Variants in DAB1 observed in about 807,000 individuals in gnomAD.
DAB1 encodes the protein disabled homolog 1.
In DAB1, 15 loss-of-function variants were observed where a neutral mutation model predicts 64.6. That is an observed-to-expected ratio of 0.23 (90% CI 0.16 to 0.36). The LOEUF (loss-of-function observed/expected upper bound fraction) is 0.36. Ranked by LOEUF, DAB1 falls within the 10% of genes least tolerant of loss-of-function variation. The pLI, the probability that DAB1 is intolerant of heterozygous loss-of-function variation, is 1.00. For missense variants in DAB1, 596 were observed against 706.7 expected, an observed-to-expected ratio of 0.84 and a Z score of 1.78; for synonymous variants, 235 against 251.9, an observed-to-expected ratio of 0.93 and a Z score of 0.64.
intron 1 of DAB1, among the ~76,000 whole-genome samples, chr1:57,353,351 T>C (rs1031904017): frequency 1.3e-5 from 2 of 152,140 alleles, no homozygotes; most frequent in Admixed American, 6.5e-5. Flanking sequence ...ATATGGCTGT[T>C]CCGTCCTATT....
intron 7 of DAB1, among the ~76,000 whole-genome samples, chr1:57,642,885 T>C (rs1053594904): frequency 3.9e-5 from 6 of 152,232 alleles, no homozygotes; most frequent in Non-Finnish European, 7.3e-5. Flanking sequence ...ATGAGTTCTT[T>C]GGCAATTCAT....
At chr1:57,065,755 T>A (rs1452751751) in intron 8 of DAB1, among the ~76,000 whole-genome samples, 2 of 152,112 alleles carry the variant, frequency 1.3e-5, no homozygotes, top group Non-Finnish European at 2.9e-5. Flanking sequence ...AAATCCTGGG[T>A]CTGCCACAGG....
chr1:58,407,628 C>T (rs1164322720), intron 3 of DAB1, among the ~76,000 whole-genome samples: 1 of 152,132 alleles, frequency 6.6e-6, no homozygotes, highest in Non-Finnish European at 1.5e-5. Flanking sequence ...TCCAGCCCCA[C>T]ATGTCAATAG....
intron 1 of DAB1, among the ~76,000 whole-genome samples, chr1:57,393,889 G>A (rs535839323): frequency 2.0e-5 from 3 of 152,234 alleles, no homozygotes; most frequent in Middle Eastern, 3.4e-3. Flanking sequence ...GCAGAAAAAG[G>A]TTCACTGACC....
intron 5 of DAB1, among the ~76,000 whole-genome samples, chr1:58,071,362 T>TGG (rs1340427975): frequency 1.1e-5 from 1 of 87,110 alleles, no homozygotes; most frequent in African/African-American, 4.1e-5. Context: ...CAAAGGAGAA[T>TGG]GGTGTGTGTG....
At chr1:57,386,810 A>G (rs10889042) in intron 1 of DAB1, 63,496 of 151,668 alleles carry the variant, frequency 0.42, 13,918 homozygotes, top group African/African-American at 0.5. Flanking sequence ...GAATAGGGAA[A>G]AGAAATTTTA....
intron 4 of DAB1, among the ~76,000 whole-genome samples, chr1:57,093,351 A>T (rs1653867467): frequency 6.6e-6 from 1 of 152,180 alleles, no homozygotes; most frequent in Non-Finnish European, 1.5e-5. Flanking sequence ...TCACCATATA[A>T]GGCAATAATT....
At chr1:57,340,108 G>A (rs1677450251) in intron 1 of DAB1, among the ~76,000 whole-genome samples, 1 of 152,276 alleles carries the variant, frequency 6.6e-6, no homozygotes, top group Non-Finnish European at 1.5e-5. Flanking sequence ...CCAACTAGAA[G>A]GGGTTTTACA....
chr1:57,566,695 G>C (rs1204577056), intron 7 of DAB1, among the ~76,000 whole-genome samples: 1 of 151,998 alleles, frequency 6.6e-6, no homozygotes, highest in Non-Finnish European at 1.5e-5. Flanking sequence ...ATAAATTCCT[G>C]GACACATACA....
At chr1:57,277,600 T>C (rs945906684) in intron 2 of DAB1, among the ~76,000 whole-genome samples, 17 of 152,206 alleles carry the variant, frequency 1.1e-4, no homozygotes, top group Admixed American at 1.3e-4. Flanking sequence ...CTCATGACTA[T>C]CCATCACTGC....
At chr1:57,282,634 T>C (rs1672008423) in intron 2 of DAB1, among the ~76,000 whole-genome samples, 1 of 152,116 alleles carries the variant, frequency 6.6e-6, no homozygotes, top group Non-Finnish European at 1.5e-5. Context: ...CCACAGAGAA[T>C]ACAGAAGTCT....
intron 9 of DAB1, among the ~76,000 whole-genome samples, chr1:57,056,389 T>C (rs996833212): frequency 2.1e-5 from 3 of 142,656 alleles, no homozygotes; most frequent in African/African-American, 7.9e-5. Context: ...CCTGTAGTCC[T>C]AGCTACTGGG....
intron 4 of DAB1, among the ~76,000 whole-genome samples, chr1:58,161,968 C>CA (rs1655561656): frequency 6.6e-6 from 1 of 152,056 alleles, no homozygotes; most frequent in Non-Finnish European, 1.5e-5. Flanking sequence ...AAAGCAACAA[C>CA]ATGATAACCA....
At chr1:57,033,917 C>G (rs1647043812) in intron 9 of DAB1, among the ~76,000 whole-genome samples, 1 of 152,176 alleles carries the variant, frequency 6.6e-6, no homozygotes, top group African/African-American at 2.4e-5. Context: ...AGAATGTCAT[C>G]TTGTGCTTTA....
intron 4 of DAB1, among the ~76,000 whole-genome samples, chr1:57,076,712 C>T (rs563902965): frequency 4.6e-5 from 7 of 152,302 alleles, no homozygotes; most frequent in South Asian, 2.1e-4. Flanking sequence ...GTACCTATGA[C>T]GGAAGGCATA....
chr1:57,917,406 G>A (rs901303220), intron 5 of DAB1, among the ~76,000 whole-genome samples: 2 of 152,204 alleles, frequency 1.3e-5, no homozygotes, highest in African/African-American at 4.8e-5. Flanking sequence ...TTCCTCACCT[G>A]TAAAGTAGGG....
intron 5 of DAB1, among the ~76,000 whole-genome samples, chr1:58,138,198 C>G (rs1305364064): frequency 6.6e-6 from 1 of 152,116 alleles, no homozygotes; most frequent in Non-Finnish European, 1.5e-5. Context: ...AACTTCTATA[C>G]CTTCACTTCA....
intron 1 of DAB1, among the ~76,000 whole-genome samples, chr1:57,317,875 G>C (rs1040026953): frequency 2.0e-5 from 3 of 152,082 alleles, no homozygotes; most frequent in Non-Finnish European, 2.9e-5. Flanking sequence ...TTTCTCATCA[G>C]AATGACAATG....
At chr1:57,490,189 T>C (rs944715129) in intron 7 of DAB1, among the ~76,000 whole-genome samples, 7 of 152,206 alleles carry the variant, frequency 4.6e-5, no homozygotes, top group African/African-American at 1.4e-4. Flanking sequence ...CACAGAATTT[T>C]GTGGCTTGCT....
Sources: gnomAD v4.1 joint callset for allele counts (sites outside exome capture counted in the v4.1 genomes callset) on GRCh38, gnomAD v4.1.1 for gene constraint, MANE v1.5 for transcripts, NCBI Gene and HGNC (gene_info 2026-07-23, HGNC 2026-07-21) for gene names.